Variants in PCDHGA2 observed in about 807,000 individuals in gnomAD.
PCDHGA2 encodes protocadherin gamma subfamily A, 2.
A neutral mutation model predicts 59.2 loss-of-function variants in PCDHGA2; 40 were observed. The observed-to-expected ratio is 0.68, with a 90% CI of 0.52 to 0.88. PCDHGA2 has a LOEUF of 0.88. Among genes scored for constraint, PCDHGA2 ranks in the 40% least tolerant of loss-of-function variants. PCDHGA2 has a pLI of 0.00. For synonymous variants in PCDHGA2, 560 were observed against 526.0 expected (o/e 1.06, Z -0.89); for missense variants, 1,226 against 1,204.0 (o/e 1.02, Z -0.27).
intron 1 of PCDHGA2, chr5:141,410,478 C>G (rs767257836): frequency 6.2e-7 from 1 of 1,613,992 alleles, no homozygotes; most frequent in Non-Finnish European, 8.5e-7. Context: ...ATTGCACATA[C>G]GGGTACAAAA....
chr5:141,388,237 A>G, intron 1 of PCDHGA2: 3 of 1,607,818 alleles, frequency 1.9e-6, no homozygotes, highest in Non-Finnish European at 2.6e-6. Context: ...AACTTTTATC[A>G]CGTGAATGTG....
intron 1 of PCDHGA2, chr5:141,390,317 C>T: frequency 1.2e-6 from 2 of 1,610,390 alleles, no homozygotes; most frequent in Non-Finnish European, 1.7e-6. Context: ...ATGCTCATTG[C>T]CTACCCATTT....
chr5:141,350,470 T>C, intron 1 of PCDHGA2: 1 of 1,613,972 alleles, frequency 6.2e-7, no homozygotes, highest in East Asian at 2.2e-5. Context: ...GTGCAGAGGA[T>C]TATTTCAACG....
At chr5:141,500,152 A>C (rs1301287171) in intron 2 of PCDHGA2, among the ~76,000 whole-genome samples, 1 of 151,610 alleles carries the variant, frequency 6.6e-6, no homozygotes, top group African/African-American at 2.4e-5. Flanking sequence ...TTCTTTGTGT[A>C]ATCAAAGAAC....
intron 1 of PCDHGA2, among the ~76,000 whole-genome samples, chr5:141,347,098 CCT>C (rs1245970285): frequency 4.1e-5 from 6 of 145,716 alleles, no homozygotes; most frequent in East Asian, 2.0e-4. Flanking sequence ...TTCCTTCCTT[CCT>C]CTCTCTCTTT....
chr5:141,382,462 T>C (rs1481999551), intron 1 of PCDHGA2, among the ~76,000 whole-genome samples: 24 of 152,240 alleles, frequency 1.6e-4, no homozygotes, highest in Admixed American at 1.6e-3. Flanking sequence ...AGCAGTTTTT[T>C]AAAAATTATC....
In PCDHGA2 at chr5:141,340,606, T is replaced by C. The variant is rs761524319; in HGVS notation, c.1635T>C (p.Asn545=). The C allele has an allele frequency of 7.4e-6, 12 of 1,614,000 alleles. No individual in the cohort carries two copies. Among genetic ancestry groups the C allele is most frequent in the Admixed American group, 5.0e-5 (3 of 60,004 alleles). ...GCGGGAACCCTCCACTCAGTAGCAA[T>C]GTATCATTAAGCCTGTTCGTGCTGG... The part of the protein sequence containing the change: ...RDSGNPPLSS[N]VSLSLFVLDQ... The change falls in exon 1 of 4, where the codon AAT becomes AAC. Residue 545 remains asparagine (N), a synonymous_variant. Transcript: ENST00000394576.
At chr5:141,361,319 A>T in intron 1 of PCDHGA2, 1 of 1,613,956 alleles carries the variant, frequency 6.2e-7, no homozygotes, top group Non-Finnish European at 8.5e-7. Flanking sequence ...TTTATTTTGA[A>T]ATCTTCCTCA....
At chr5:141,354,723 T>C (rs778133300) in intron 1 of PCDHGA2, among the ~76,000 whole-genome samples, 10 of 152,098 alleles carry the variant, frequency 6.6e-5, no homozygotes, top group Non-Finnish European at 1.5e-4. Flanking sequence ...GCTGTGGGGA[T>C]GAACAATGTG....
At position 141,339,064 on chromosome 5, in the gene PCDHGA2, T is replaced by G; in HGVS notation, c.93T>G (p.Ile31Met). 6.2e-7 allele frequency: 1 copy of G among 1,613,238 alleles called. No individual in the cohort carries two copies. Among genetic ancestry groups the G allele is most frequent in the South Asian group, 1.1e-5 (1 of 91,066 alleles). Residue 31 changes from isoleucine (I) to methionine (M), a missense_variant, in exon 1 of 4, where the codon ATT becomes ATG. Coordinates refer to ENST00000394576, the MANE Select transcript of PCDHGA2 (RefSeq NM_018915.4). ...TGTGGGAGGCCAGGGCCGGGCAGAT[T>G]CGCTATTCTGTGCGGGAAGAGATCG... ...ATLWEARAGQIRYSVREEIDR... is the reference protein window; with the variant it reads ...ATLWEARAGQMRYSVREEIDR...
At chr5:141,355,870 G>T (rs376992240) in intron 1 of PCDHGA2, 72 of 1,612,760 alleles carry the variant, frequency 4.5e-5, no homozygotes, top group Non-Finnish European at 6.1e-5. Flanking sequence ...GGTTCGCTCT[G>T]GCACTGCCAG....
intron 1 of PCDHGA2, chr5:141,383,092 C>G (rs200016406): frequency 6.2e-7 from 1 of 1,613,932 alleles, no homozygotes; most frequent in South Asian, 1.1e-5. Context: ...GCGCGGAGTC[C>G]GCATCATCTC....
At chr5:141,349,774 T>A (rs1310021505) in intron 1 of PCDHGA2, among the ~76,000 whole-genome samples, 1 of 152,168 alleles carries the variant, frequency 6.6e-6, no homozygotes, top group Non-Finnish European at 1.5e-5. Context: ...TTTATAAATA[T>A]AGTGAAATCA....
chr5:141,371,332 A>C (rs1481476869), intron 1 of PCDHGA2: 3 of 1,613,988 alleles, frequency 1.9e-6, no homozygotes, highest in Admixed American at 1.7e-5. Context: ...GAAGAGAGAG[A>C]TAGCTACACA....
At chr5:141,381,294 A>C (rs1777116349) in intron 1 of PCDHGA2, among the ~76,000 whole-genome samples, 1 of 152,236 alleles carries the variant, frequency 6.6e-6, no homozygotes, top group African/African-American at 2.4e-5. Flanking sequence ...TTTATTCCAG[A>C]GCAGGTCATT....
chr5:141,427,671 A>T (rs1441504057), intron 1 of PCDHGA2: 1 of 798,486 alleles, frequency 1.3e-6, no homozygotes, highest in East Asian at 2.6e-5. Flanking sequence ...GGCCGAAAAC[A>T]ACCTTCCCGG....
intron 1 of PCDHGA2, chr5:141,391,548 C>T (rs1045663791): frequency 6.6e-6 from 1 of 152,106 alleles, no homozygotes; most frequent in African/African-American, 2.4e-5. Flanking sequence ...ATTGTCTACC[C>T]AGTTTTCCAT....
intron 1 of PCDHGA2, chr5:141,417,766 C>G: frequency 6.9e-7 from 1 of 1,442,472 alleles, no homozygotes; most frequent in Non-Finnish European, 9.1e-7. Flanking sequence ...AGACCCGGGA[C>G]TCCTCCTGTC....
intron 1 of PCDHGA2, among the ~76,000 whole-genome samples, chr5:141,348,453 G>T (rs1758123244): frequency 6.6e-6 from 1 of 152,062 alleles, no homozygotes; most frequent in Non-Finnish European, 1.5e-5. Flanking sequence ...AAAAAAAAAT[G>T]TTTATAGTAT....
Sources: gnomAD v4.1 joint callset for allele counts (sites outside exome capture counted in the v4.1 genomes callset) on GRCh38, gnomAD v4.1.1 for gene constraint, MANE v1.5 for transcripts, NCBI Gene and HGNC (gene_info 2026-07-23, HGNC 2026-07-21) for gene names.